The following LRP4 variants were observed in gnomAD, a reference collection of about 807,000 sequenced individuals.
The protein encoded by LRP4 is LDL receptor related protein 4.
In LRP4, 95 loss-of-function variants were observed where a neutral mutation model predicts 220.3. The observed-to-expected ratio is 0.43, with a 90% CI of 0.37 to 0.51. The LOEUF is 0.51. Ranked by LOEUF, LRP4 falls within the 20% of genes least tolerant of loss-of-function variation. The pLI is 0.00. For missense variants in LRP4, 1,925 were observed against 2,567.0 expected (o/e 0.75, Z 5.40); for synonymous variants, 903 against 954.6 (o/e 0.95, Z 1.00).
intron 1 of LRP4, among the ~76,000 whole-genome samples, chr11:46,906,733 G>A (rs1941766557): frequency 6.6e-6 from 1 of 152,030 alleles, no homozygotes; most frequent in African/African-American, 2.4e-5. Flanking sequence ...TGTTTTTTTA[G>A]GGCCCCACCC....
At position 46,918,335 on chromosome 11, in the gene LRP4, G is replaced by C; in HGVS notation, c.45C>G (p.Cys15Trp). The C allele has an allele frequency of 6.7e-7, 1 of 1,497,438 alleles. No individual in the cohort carries two copies. Among genetic ancestry groups the C allele is most frequent in the Non-Finnish European group, 8.9e-7 (1 of 1,129,336 alleles). The allele number at this position is 1,497,438 out of a possible 1,614,324, so 92.8% of individuals were successfully genotyped here. ...CCGGCGGGCGCCGCTTACCGTGTGCGCAGAGCAGGGCGCCAAGCAGCAGCG... is the reference window on the plus strand; with the variant it reads ...CCGGCGGGCGCCGCTTACCGTGTGCCCAGAGCAGGGCGCCAAGCAGCAGCG... ...WGALLLGALL[C>W]AHGLASSPEC... Residue 15 changes from cysteine (C) to tryptophan (W), a missense_variant, in exon 1 of 38, where the codon TGC (cysteine) becomes TGG (tryptophan). Cys to Trp is a radical substitution (Grantham distance 215). Coordinates refer to ENST00000378623, the MANE Select transcript of LRP4 (RefSeq NM_002334.4). This position sits in a 1 kb window ranked among gnomAD's most constrained non-coding sequence, Gnocchi z 6.0.
At position 46,899,294 on chromosome 11, in the gene LRP4, T is replaced by G. The variant is rs546227914; in HGVS notation, c.547+93A>C. ...GCTGAGGCACCCATGCTCCTTGCCC[T>G]TGGTACATGCACTCCTCAGCCTCGC... On this transcript the variant is annotated intron_variant, in intron 5 of 37. Transcript: ENST00000378623. The surrounding 1 kb of genome is among the most constrained non-coding windows in gnomAD (Gnocchi z 5.9). 1 of 1,089,568 alleles carries G rather than the reference T, an allele frequency of 9.2e-7. No homozygotes were observed. Among genetic ancestry groups the G allele is most frequent in the Admixed American group, 1.7e-5 (1 of 59,372 alleles). 67.5% of individuals were successfully genotyped at this position (1,089,568 alleles called of 1,614,324 possible).
chr11:46,881,741 C>G lies in LRP4; in HGVS notation c.2775G>C (p.Lys925Asn). ...QRLYWADAGMKTIEFAGLDGS... is the reference protein window; with the variant it reads ...QRLYWADAGMNTIEFAGLDGS... Reference sequence around the variant, plus strand: ...CATCCAGTCCAGCAAATTCAATTGTCTTCATGCCGGCGTCAGCCCAGTATA... The same window carrying G: ...CATCCAGTCCAGCAAATTCAATTGTGTTCATGCCGGCGTCAGCCCAGTATA... The change falls in exon 20 of 38, where the codon AAG (lysine) becomes AAC (asparagine). Residue 925 changes from lysine (K) to asparagine (N), a missense_variant. Around this residue, in one of 3 missense-constraint regions of LRP4, gnomAD observed 1,244 missense variants for 1,624.9 expected, o/e 0.77. Transcript: ENST00000378623. The G allele has an allele frequency of 6.2e-7, 1 of 1,613,662 alleles. No homozygotes were observed. Among genetic ancestry groups the G allele is most frequent in the Non-Finnish European group, 8.5e-7 (1 of 1,180,000 alleles).
intron 32 of LRP4, 88 bp downstream of exon 32, chr11:46,868,900 C>T (rs1940780662): frequency 1.3e-6 from 2 of 1,562,578 alleles, no homozygotes; most frequent in Admixed American, 1.7e-5. Context: ...CTCTTGTGGC[C>T]CTAACTGTCT....
intron 1 of LRP4, among the ~76,000 whole-genome samples, chr11:46,914,354 A>G (rs1438986572): frequency 6.6e-6 from 1 of 152,174 alleles, no homozygotes; most frequent in Non-Finnish European, 1.5e-5. Context: ...AATGCTTGAC[A>G]TATGTGTGTT....
chr11:46,904,496 GA>G (rs2134873268), intron 1 of LRP4, among the ~76,000 whole-genome samples: 2 of 108,858 alleles, frequency 1.8e-5, no homozygotes, highest in East Asian at 3.0e-3. Flanking sequence ...TGGATGGATG[GA>G]TGGACGGACA....
intron 37 of LRP4, among the ~76,000 whole-genome samples, chr11:46,860,327 C>A (rs2134753895): frequency 6.6e-6 from 1 of 152,142 alleles, no homozygotes; most frequent in East Asian, 1.9e-4. Context: ...GGTCCTGCAA[C>A]TTATAACCTT....
Position 46,881,873 on chromosome 11 carries a change from G to A in LRP4, c.2643C>T (p.Ser881=). The change falls in exon 20 of 38, where the codon AGC becomes AGT. Residue 881 remains serine (S), a synonymous_variant. Transcript: ENST00000378623. ...GYMYWTDWGA[S]PKIERAGMDA... is the part of the protein sequence containing the mutation. Reference sequence around the variant, plus strand: ...CCATGCCAGCTCGTTCAATCTTGGGGCTCGCACCCCAGTCAGTCCAATACA... The same window carrying A: ...CCATGCCAGCTCGTTCAATCTTGGGACTCGCACCCCAGTCAGTCCAATACA... 4 of 1,614,188 alleles carry A rather than the reference G, an allele frequency of 2.5e-6. No individual in the cohort carries two copies. The highest frequency in any genetic ancestry group is 3.4e-6 in the Non-Finnish European group (4 of 1,180,040).
In LRP4 at chr11:46,896,266, C is replaced by A; in HGVS notation, c.992G>T (p.Cys331Phe). 1 of 1,614,204 alleles carries A rather than the reference C, an allele frequency of 6.2e-7. No homozygotes were observed. Among genetic ancestry groups the A allele is most frequent in the Non-Finnish European group, 8.5e-7 (1 of 1,180,048 alleles). The change falls in exon 9 of 38, where the codon TGC becomes TTC. Residue 331 changes from cysteine (C) to phenylalanine (F), a missense_variant. Physicochemically the swap from Cys to Phe is radical, Grantham distance 205 (BLOSUM62 -2). This residue lies in a region of LRP4 where 412 missense variants were observed against 505.4 expected (regional missense o/e 0.82). Transcript: ENST00000378623. ...NGRCIGQRKL[C>F]NGVNDCGDNS... ...GTCACCACAGTCGTTGACCCCGTTG[C>A]ACAGCTTCCTCTGCCCAATGCAGCG...
At position 46,857,554 on chromosome 11, in the gene LRP4, ATTTT is replaced by A. The variant is rs1940411741; in HGVS notation, c.*1425_*1428del. On this transcript the variant is annotated 3_prime_UTR_variant, in exon 38 of 38. Coordinates refer to ENST00000378623, the MANE Select transcript of LRP4 (RefSeq NM_002334.4). Reference sequence around the variant, plus strand: ...TCCTACTCCTTACCCACCTCTTTGTATTTTTATTTATTCAGCCCTCCCACCACAG... The same window carrying A: ...TCCTACTCCTTACCCACCTCTTTGTATATTTATTCAGCCCTCCCACCACAG... The A allele has an allele frequency of 6.6e-6, 1 of 151,784 alleles. No individual in the cohort carries two copies. Among genetic ancestry groups the A allele is most frequent in the Non-Finnish European group, 1.5e-5 (1 of 68,028 alleles). 9.4% of individuals were successfully genotyped at this position (151,784 alleles called of 1,614,324 possible).
At position 46,875,952 on chromosome 11, in the gene LRP4, G is replaced by A. The variant is rs2134798449; in HGVS notation, c.3551C>T (p.Thr1184Ile). ...LYHEMGFMYWTDWGENAKLER... is the reference protein window; with the variant it reads ...LYHEMGFMYWIDWGENAKLER... ...TAACTTGGCATTCTCCCCCCAGTCT[G>A]TCCAGTACATAAACCTGAGTGAGGA... Residue 1184 changes from threonine (T) to isoleucine (I), a missense_variant, in exon 26 of 38, where the codon ACA becomes ATA. Physicochemically the swap from Thr to Ile is moderately conservative, Grantham distance 89. Around this residue, in one of 3 missense-constraint regions of LRP4, gnomAD observed 1,244 missense variants for 1,624.9 expected, o/e 0.77. Transcript: ENST00000378623. The surrounding 1 kb of genome is among the most constrained non-coding windows in gnomAD (Gnocchi z 4.5). 6.2e-7 allele frequency: 1 copy of A among 1,614,122 alleles called. No homozygotes were observed. Among genetic ancestry groups the A allele is most frequent in the Non-Finnish European group, 8.5e-7 (1 of 1,180,006 alleles).
chr11:46,887,434 C>T (rs1398385748), intron 16 of LRP4, among the ~76,000 whole-genome samples: 2 of 150,472 alleles, frequency 1.3e-5, no homozygotes, highest in African/African-American at 4.9e-5. Flanking sequence ...CATGGTGGCT[C>T]ATGCCTGTAA....
Position 46,875,874 on chromosome 11 carries a change from A to G in LRP4, c.3629T>C (p.Leu1210Pro). The change falls in exon 26 of 38, where the codon CTA (leucine) becomes CCA (proline). Residue 1210 changes from leucine (L) to proline (P), a missense_variant. Leu to Pro is a moderately conservative substitution (Grantham distance 98). Transcript: ENST00000378623. The surrounding 1 kb of genome is among the most constrained non-coding windows in gnomAD (Gnocchi z 4.5). ...SDRAVLINNN[L>P]GWPNGLTVDK... is the part of the protein sequence containing the mutation. ...CACAGTCAGTCCATTGGGCCATCCT[A>G]GGTTGTTGTTGATGAGCACCGCGCG... 6.2e-7 allele frequency: 1 copy of G among 1,614,024 alleles called. No individual in the cohort carries two copies. Among genetic ancestry groups the G allele is most frequent in the Non-Finnish European group, 8.5e-7 (1 of 1,179,988 alleles).
At chr11:46,909,604 T>TC (rs1331880841) in intron 1 of LRP4, among the ~76,000 whole-genome samples, 1 of 76,270 alleles carries the variant, frequency 1.3e-5, no homozygotes, top group African/African-American at 5.4e-5. Flanking sequence ...AGAGCGAGAC[T>TC]CCGTCTCAAA....
Position 46,859,017 on chromosome 11 carries a change from T to C in LRP4, c.5684A>G (p.His1895Arg). 6.2e-7 allele frequency: 1 copy of C among 1,614,134 alleles called. No homozygotes were observed. The highest frequency in any genetic ancestry group is 1.3e-5 in the African/African-American group (1 of 75,042). The change falls in exon 38 of 38, where the codon CAT (histidine) becomes CGT (arginine). Residue 1895 changes from histidine (H) to arginine (R), a missense_variant. By Grantham distance (29) the His-to-Arg change is conservative. Around this residue, in one of 3 missense-constraint regions of LRP4, gnomAD observed 1,244 missense variants for 1,624.9 expected, o/e 0.77. Coordinates refer to ENST00000378623, the MANE Select transcript of LRP4 (RefSeq NM_002334.4). ...GCTCTCTGAGGAGAGCTTGCGTTCA[T>C]GTTTCCAGCCCGTGTCTGGCAGAGA... ...RGSLPDTGWK[H>R]ERKLSSESQV is the part of the protein sequence containing the mutation.
rs567476447 is a variant in LRP4, at chr11:46,906,027, G to A, written c.53-3098C>T. Among the ~76,000 whole-genome samples the A allele has an allele frequency of 3.9e-5, 6 of 152,240 alleles. No individual in the cohort carries two copies. In the East Asian group the frequency reaches 1.2e-3, roughly 29 times the overall value. On this transcript the variant is annotated intron_variant, in intron 1 of 37. Coordinates refer to ENST00000378623, the MANE Select transcript of LRP4 (RefSeq NM_002334.4). ...GTGGAAAGGACAGAGAGGAAGTAGG[G>A]GGGAATAGGAGGAGGAGGTTAGGCA... is the stretch of plus-strand genomic sequence containing the variant.
intron 28 of LRP4, chr11:46,874,355 A>G (rs1940954307): frequency 5.9e-6 from 1 of 169,894 alleles, no homozygotes; most frequent in Non-Finnish European, 1.3e-5. Context: ...TGTTAGGGCC[A>G]CAAATTTAAA....
chr11:46,909,536 C>T lies in LRP4; in HGVS notation c.53-6607G>A, dbSNP rs367962735. On this transcript the variant is annotated intron_variant, in intron 1 of 37. Coordinates refer to ENST00000378623, the MANE Select transcript of LRP4 (RefSeq NM_002334.4). ...AGGAGAATGGCGTGAACCCGGGAAG[C>T]GGAGCTTGCAGTGAGCCGAGATTGC... Among the ~76,000 whole-genome samples, 874 of 89,696 alleles carry T rather than the reference C, an allele frequency of 9.7e-3. 12 individuals are homozygous for T. The highest frequency in any genetic ancestry group is 0.024 in the Middle Eastern group (3 of 126). 58.8% of individuals were successfully genotyped at this position (89,696 alleles called of 152,430 possible).
chr11:46,881,551 G>A, intron 20 of LRP4, 151 bp downstream of exon 20: 1 of 801,114 alleles, frequency 1.2e-6, no homozygotes, highest in Non-Finnish European at 2.2e-6. Flanking sequence ...CAGCCTCAGA[G>A]AAACAGCACA....
Sources: allele counts gnomAD v4.1 joint callset (sites outside exome capture counted in the v4.1 genomes callset), GRCh38; gene constraint gnomAD v4.1.1; regional missense constraint gnomAD v4.1.1; non-coding constraint Gnocchi (gnomAD v3.1); transcripts MANE v1.5; gene names NCBI Gene and HGNC (gene_info 2026-07-23, HGNC 2026-07-21).